EGFR: variants seen among roughly 807,000 people sequenced by gnomAD.
The protein encoded by EGFR is epidermal growth factor receptor, also known as avian erythroblastic leukemia viral (v-erb-b) oncogene homolog.
EGFR carries 58 observed loss-of-function variants against 143.0 expected under a neutral mutation model. The ratio of observed to expected loss-of-function variants is 0.41; its 90% CI spans 0.33 to 0.50. The LOEUF is 0.50. Among genes scored for constraint, EGFR ranks in the 20% least tolerant of loss-of-function variants. The pLI is 0.39. For synonymous variants in EGFR, 613 were observed against 594.4 expected, an observed-to-expected ratio of 1.03 and a Z score of -0.45; for missense variants, 1,307 against 1,579.0, an observed-to-expected ratio of 0.83 and a Z score of 2.92.
At chr7:55,063,976 T>TA (rs1256813044) in intron 1 of EGFR, among the ~76,000 whole-genome samples, 1 of 152,184 alleles carries the variant, frequency 6.6e-6, no homozygotes, top group Non-Finnish European at 1.5e-5. Context: ...AAAATCTAAT[T>TA]AAAAAAATTA....
chr7:55,052,531 G>A (rs574031917), intron 1 of EGFR, among the ~76,000 whole-genome samples: 72 of 152,322 alleles, frequency 4.7e-4, no homozygotes, highest in Admixed American at 1.2e-3. Context: ...GCCCCTGCCC[G>A]TGCTGGCTGT....
chr7:55,111,668 A>C (rs1482310324), intron 1 of EGFR, among the ~76,000 whole-genome samples: 1 of 152,166 alleles, frequency 6.6e-6, no homozygotes. Flanking sequence ...GTGAGCTAAG[A>C]TGAGATGGTG....
At chr7:55,151,441 T>G in intron 5 of EGFR, 79 bp downstream of exon 5, 1 of 1,479,348 alleles carries the variant, frequency 6.8e-7, no homozygotes, top group Non-Finnish European at 9.4e-7. Context: ...GGATTTGTTT[T>G]CCCTCTGAAG....
chr7:55,019,721 T>C (rs963068320), intron 1 of EGFR, among the ~76,000 whole-genome samples: 4 of 152,102 alleles, frequency 2.6e-5, no homozygotes, highest in Non-Finnish European at 5.9e-5. Context: ...AGCCGGGTGC[T>C]GGTGGGCGCC....
chr7:55,198,643 T>A (rs1403817110), intron 22 of EGFR, 74 bp from the exon 23 acceptor site: 2 of 1,604,720 alleles, frequency 1.2e-6, no homozygotes, highest in Non-Finnish European at 1.7e-6. Flanking sequence ...TAACCAGTAA[T>A]GATGACTAAA....
chr7:55,112,814 C>A (rs1428106715), intron 1 of EGFR, among the ~76,000 whole-genome samples: 1 of 152,202 alleles, frequency 6.6e-6, no homozygotes, highest in Non-Finnish European at 1.5e-5. Flanking sequence ...GGACTGGAAT[C>A]CCAGACCCCC....
At chr7:55,129,544 A>C (rs1056625993) in intron 1 of EGFR, among the ~76,000 whole-genome samples, 1 of 152,190 alleles carries the variant, frequency 6.6e-6, no homozygotes, top group Non-Finnish European at 1.5e-5. Flanking sequence ...CATTTGGTAG[A>C]GTATGGGAAG....
intron 1 of EGFR, among the ~76,000 whole-genome samples, chr7:55,088,956 A>T (rs1365847958): frequency 6.6e-6 from 1 of 152,208 alleles, no homozygotes; most frequent in Non-Finnish European, 1.5e-5. Flanking sequence ...TAATGATTTC[A>T]GGAAATTAGA....
intron 1 of EGFR, among the ~76,000 whole-genome samples, chr7:55,100,027 A>C (rs1338727850): frequency 6.6e-6 from 1 of 152,236 alleles, no homozygotes; most frequent in African/African-American, 2.4e-5. Context: ...AGACCCAGCC[A>C]GCAGACTGCC....
intron 1 of EGFR, among the ~76,000 whole-genome samples, chr7:55,132,015 G>A (rs1166627358): frequency 1.3e-5 from 2 of 149,092 alleles, no homozygotes; most frequent in Non-Finnish European, 3.0e-5. Context: ...CTTTTCTTTC[G>A]ATTTTTGGTT....
chr7:55,127,351 T>C (rs1287166374), intron 1 of EGFR, among the ~76,000 whole-genome samples: 2 of 152,188 alleles, frequency 1.3e-5, no homozygotes, highest in Non-Finnish European at 2.9e-5. Context: ...CTAAATGTTT[T>C]AGTAATTCTA....
intron 1 of EGFR, among the ~76,000 whole-genome samples, chr7:55,100,561 C>T (rs1226277407): frequency 2.6e-5 from 4 of 152,238 alleles, no homozygotes. Flanking sequence ...CAGCTGTTTA[C>T]TGCAGAGTGA....
intron 17 of EGFR, 73 bp downstream of exon 17, chr7:55,173,197 G>A (rs1400535840): frequency 1.3e-5 from 21 of 1,585,746 alleles, no homozygotes; most frequent in Non-Finnish European, 1.7e-5. Context: ...CCGAGAACGG[G>A]CCATTAGCAG....
chr7:55,044,687 G>C (rs539713368), intron 1 of EGFR, among the ~76,000 whole-genome samples: 3 of 152,214 alleles, frequency 2.0e-5, no homozygotes, highest in Non-Finnish European at 4.4e-5. Context: ...CTGGTTGTGA[G>C]CTAGAGTCCA....
At position 55,202,372 on chromosome 7, in the gene EGFR, C is replaced by G. The variant is rs897545459; in HGVS notation, c.3163-145C>G. The G allele has an allele frequency of 1.6e-5, 11 of 701,810 alleles. No individual in the cohort carries two copies. The African/African-American group carries it at 1.6e-4, about 10-fold the overall frequency. 43.5% of individuals were successfully genotyped at this position (701,810 alleles called of 1,614,324 possible). A position where few individuals can be genotyped will look rare whatever the true frequency, so the allele number is the denominator to read the frequency against. On this transcript the variant is annotated intron_variant, in intron 26 of 27. Transcript: ENST00000275493. ...CCCTGCAGCCTGTGGCCCAGTAGCACCAGCACCCACCAGGGTGCAGACTCT... is the reference window on the plus strand; with the variant it reads ...CCCTGCAGCCTGTGGCCCAGTAGCAGCAGCACCCACCAGGGTGCAGACTCT...
At chr7:55,043,724 T>G (rs1788032997) in intron 1 of EGFR, 1 of 152,274 alleles carries the variant, frequency 6.6e-6, no homozygotes, top group Admixed American at 6.5e-5. Flanking sequence ...GCCCAGAATG[T>G]TAATAGTTCT....
At chr7:55,132,028 C>CT (rs914434174) in intron 1 of EGFR, among the ~76,000 whole-genome samples, 3,454 of 141,964 alleles carry the variant, frequency 0.024, 137 homozygotes, top group African/African-American at 0.082. Flanking sequence ...TTTTGGTTGT[C>CT]TTTTTTTTTT....
intron 1 of EGFR, among the ~76,000 whole-genome samples, chr7:55,074,984 G>A (rs963936924): frequency 6.6e-6 from 1 of 152,128 alleles, no homozygotes; most frequent in Non-Finnish European, 1.5e-5. Context: ...ATCAGTATAA[G>A]AGCAACTAAA....
intron 1 of EGFR, among the ~76,000 whole-genome samples, chr7:55,022,826 T>C (rs926630948): frequency 6.6e-5 from 10 of 152,220 alleles, no homozygotes; most frequent in Admixed American, 5.2e-4. Context: ...AAGACACCGA[T>C]TGCCGAAAGT....
Sources: gnomAD v4.1 joint callset for allele counts (sites outside exome capture counted in the v4.1 genomes callset) on GRCh38, gnomAD v4.1.1 for gene constraint, MANE v1.5 for transcripts, NCBI Gene and HGNC (gene_info 2026-07-23, HGNC 2026-07-21) for gene names.